The following SEMA3E variants were observed in gnomAD, a reference collection of about 807,000 sequenced individuals.
SEMA3E encodes semaphorin-3E.
SEMA3E carries 49 observed loss-of-function variants against 93.6 expected under a neutral mutation model. That is an observed-to-expected ratio of 0.52 (90% CI 0.42 to 0.66). SEMA3E has a LOEUF of 0.66. SEMA3E is among the 30% of genes least tolerant of loss of function. The probability of loss-of-function intolerance (pLI) is 0.00; values close to 1 mark genes in which losing one functional copy is unlikely to be tolerated. For missense variants in SEMA3E, 906 were observed against 964.8 expected, an observed-to-expected ratio of 0.94 and a Z score of 0.81; for synonymous variants, 363 against 330.7, an observed-to-expected ratio of 1.10 and a Z score of -1.06.
chr7:83,380,277 T>C (rs1037032449), intron 16 of SEMA3E, among the ~76,000 whole-genome samples: 2 of 151,956 alleles, frequency 1.3e-5, no homozygotes, highest in African/African-American at 4.8e-5. Context: ...TACTGTTTAG[T>C]TCATGTGGCA....
intron 16 of SEMA3E, among the ~76,000 whole-genome samples, chr7:83,369,801 C>G (rs1427552591): frequency 6.6e-6 from 1 of 152,144 alleles, no homozygotes; most frequent in African/African-American, 2.4e-5. Context: ...TTTACTCATG[C>G]CTCCAGGCCA....
At chr7:83,428,173 C>T (rs937192403) in intron 4 of SEMA3E, among the ~76,000 whole-genome samples, 4 of 152,182 alleles carry the variant, frequency 2.6e-5, no homozygotes, top group Non-Finnish European at 5.9e-5. Context: ...AAGCTCTTTT[C>T]GACAGGTGTG....
chr7:83,455,610 A>G (rs1423928601), intron 4 of SEMA3E, among the ~76,000 whole-genome samples: 1 of 152,228 alleles, frequency 6.6e-6, no homozygotes, highest in African/African-American at 2.4e-5. Flanking sequence ...CACACCTGCG[A>G]ATACGGTAAG....
At chr7:83,476,388 A>G (rs1258091589) in intron 2 of SEMA3E, among the ~76,000 whole-genome samples, 1 of 152,198 alleles carries the variant, frequency 6.6e-6, no homozygotes, top group Non-Finnish European at 1.5e-5. Context: ...TTCTGAGGAA[A>G]GGTAGATGGA....
intron 16 of SEMA3E, 107 bp downstream of exon 16, chr7:83,385,187 A>C: frequency 8.4e-7 from 1 of 1,194,744 alleles, no homozygotes; most frequent in Admixed American, 1.9e-5. Flanking sequence ...TAAGGCATGC[A>C]TAGTACAACA....
At chr7:83,424,230 TG>T (rs1788726385) in intron 4 of SEMA3E, among the ~76,000 whole-genome samples, 1 of 152,178 alleles carries the variant, frequency 6.6e-6, no homozygotes, top group South Asian at 2.1e-4. Context: ...AATATTGTAA[TG>T]TGTATTTTGA....
At chr7:83,507,567 C>T (rs544219086) in intron 1 of SEMA3E, among the ~76,000 whole-genome samples, 3 of 151,652 alleles carry the variant, frequency 2.0e-5, no homozygotes, top group African/African-American at 7.3e-5. Flanking sequence ...CAAGCAGGGG[C>T]AAGCAGGTGG....
At chr7:83,500,746 C>A (rs901615500) in intron 1 of SEMA3E, among the ~76,000 whole-genome samples, 1 of 151,908 alleles carries the variant, frequency 6.6e-6, no homozygotes, top group Non-Finnish European at 1.5e-5. Context: ...GCATACGCCA[C>A]CATACCCGGC....
chr7:83,526,046 G>C (rs1791152512), intron 1 of SEMA3E, among the ~76,000 whole-genome samples: 1 of 151,970 alleles, frequency 6.6e-6, no homozygotes, highest in Admixed American at 6.6e-5. Flanking sequence ...TCTCTGGAGA[G>C]CTGCCAGCAT....
At chr7:83,623,730 T>G (rs966939552) in intron 1 of SEMA3E, among the ~76,000 whole-genome samples, 1 of 152,260 alleles carries the variant, frequency 6.6e-6, no homozygotes, top group Middle Eastern at 3.4e-3. Flanking sequence ...ATTTAAAAAT[T>G]GTTTCATTTC....
intron 1 of SEMA3E, among the ~76,000 whole-genome samples, chr7:83,561,059 T>A (rs2115834543): frequency 6.6e-6 from 1 of 152,148 alleles, no homozygotes; most frequent in East Asian, 1.9e-4. Context: ...GCCCTTTTTT[T>A]GCATCCATTA....
Position 83,365,472 on chromosome 7 carries a change from T to A in SEMA3E, c.*2114A>T, listed in dbSNP as rs1794652250. ...TGATTTATTTTCCTATAATAAATTT[T>A]AGCATTTTATGTAAAATGTTTCTTT... On this transcript the variant is annotated 3_prime_UTR_variant, in exon 17 of 17. Coordinates refer to ENST00000643230, the MANE Select transcript of SEMA3E (RefSeq NM_012431.3). 6.6e-6 allele frequency: 1 copy of A among 152,224 alleles called. No individual in the cohort carries two copies. The highest frequency in any genetic ancestry group is 1.5e-5 in the Non-Finnish European group (1 of 68,036). 9.4% of individuals were successfully genotyped at this position (152,224 alleles called of 1,614,324 possible). A position where few individuals can be genotyped will look rare whatever the true frequency, so the allele number is the denominator to read the frequency against.
chr7:83,366,805 T>A lies in SEMA3E; in HGVS notation c.*781A>T, dbSNP rs988068659. ...AAAAAAGAAATGTGTGAGAATATAATTTTTTTTACCACAAGAGGGAAGCAA... is the reference window on the plus strand; with the variant it reads ...AAAAAAGAAATGTGTGAGAATATAAATTTTTTTACCACAAGAGGGAAGCAA... On this transcript the variant is annotated 3_prime_UTR_variant, in exon 17 of 17. Coordinates refer to ENST00000643230, the MANE Select transcript of SEMA3E (RefSeq NM_012431.3). 4 of 151,980 alleles carry A rather than the reference T, an allele frequency of 2.6e-5. No homozygotes were observed. In the South Asian group the frequency reaches 8.3e-4, roughly 32 times the overall value. 9.4% of individuals were successfully genotyped at this position (151,980 alleles called of 1,614,324 possible).
chr7:83,541,344 C>CCA (rs1433377108), intron 1 of SEMA3E, among the ~76,000 whole-genome samples: 1 of 152,106 alleles, frequency 6.6e-6, no homozygotes, highest in African/African-American at 2.4e-5. Flanking sequence ...ACAGTGCCTA[C>CCA]CACACACAGT....
chr7:83,483,434 C>T (rs74609638), intron 2 of SEMA3E, among the ~76,000 whole-genome samples: 1,744 of 152,116 alleles, frequency 0.011, 30 homozygotes, highest in African/African-American at 0.04. Flanking sequence ...ATCATAATAG[C>T]TGTATTAAAA....
chr7:83,379,042 T>C (rs1329996018), intron 16 of SEMA3E, among the ~76,000 whole-genome samples: 1 of 151,816 alleles, frequency 6.6e-6, no homozygotes, highest in Non-Finnish European at 1.5e-5. Flanking sequence ...GTGGCATATA[T>C]GTGCTATGGA....
chr7:83,389,155 G>C (rs1787942847), intron 14 of SEMA3E, among the ~76,000 whole-genome samples: 1 of 151,924 alleles, frequency 6.6e-6, no homozygotes, highest in Non-Finnish European at 1.5e-5. Flanking sequence ...ACAAGCAAAA[G>C]TAGAAAGTTG....
At chr7:83,482,432 G>T (rs185893537) in intron 2 of SEMA3E, among the ~76,000 whole-genome samples, 4 of 151,944 alleles carry the variant, frequency 2.6e-5, no homozygotes, top group Admixed American at 2.6e-4. Flanking sequence ...CGGGTGTGGT[G>T]GCGGGTGCCT....
At chr7:83,535,556 G>A (rs1452199581) in intron 1 of SEMA3E, among the ~76,000 whole-genome samples, 2 of 151,972 alleles carry the variant, frequency 1.3e-5, no homozygotes, top group Non-Finnish European at 2.9e-5. Context: ...CTCAAAGACA[G>A]CATTAAAGAA....
Sources: gnomAD v4.1 joint callset for allele counts (sites outside exome capture counted in the v4.1 genomes callset) on GRCh38, gnomAD v4.1.1 for gene constraint, MANE v1.5 for transcripts, NCBI Gene and HGNC (gene_info 2026-07-23, HGNC 2026-07-21) for gene names.